The following SPPL3 variants were observed in gnomAD, a reference collection of about 807,000 sequenced individuals.
SPPL3 encodes signal peptide peptidase-like 3.
In SPPL3, 5 loss-of-function variants were observed where a neutral mutation model predicts 42.4. The ratio of observed to expected loss-of-function variants is 0.12; its 90% CI spans 0.06 to 0.25. The LOEUF (loss-of-function observed/expected upper bound fraction) is 0.25. SPPL3 is among the 10% of genes least tolerant of loss of function. The pLI is 1.00. For missense variants in SPPL3, 235 were observed against 489.0 expected, an observed-to-expected ratio of 0.48 and a Z score of 4.90; for synonymous variants, 195 against 181.8, an observed-to-expected ratio of 1.07 and a Z score of -0.58.
intron 1 of SPPL3, among the ~76,000 whole-genome samples, chr12:120,842,362 C>T (rs1303861461): frequency 6.6e-6 from 1 of 152,142 alleles, no homozygotes; most frequent in Non-Finnish European, 1.5e-5. Flanking sequence ...CAGAACATTA[C>T]ACTATACACT....
intron 1 of SPPL3, among the ~76,000 whole-genome samples, chr12:120,876,742 A>G (rs539792465): frequency 1.5e-4 from 23 of 152,012 alleles, no homozygotes; most frequent in Admixed American, 2.6e-4. Context: ...ATAATTTTCA[A>G]TACCTATACT....
At chr12:120,891,781 A>G (rs1161572290) in intron 1 of SPPL3, among the ~76,000 whole-genome samples, 3 of 151,148 alleles carry the variant, frequency 2.0e-5, no homozygotes, top group Non-Finnish European at 4.4e-5. Flanking sequence ...CCACTTTAGG[A>G]AACAAGTAAT....
chr12:120,833,345 C>A (rs1183193271), intron 1 of SPPL3, among the ~76,000 whole-genome samples: 1 of 152,114 alleles, frequency 6.6e-6, no homozygotes, highest in African/African-American at 2.4e-5. Context: ...GTGACTGTGG[C>A]AGGCCTTAAA....
intron 1 of SPPL3, among the ~76,000 whole-genome samples, chr12:120,838,362 C>T (rs1348208192): frequency 2.6e-5 from 4 of 151,896 alleles, no homozygotes; most frequent in Admixed American, 2.6e-4. Flanking sequence ...CTAGGAGAAC[C>T]CTGATTTGGA....
intron 1 of SPPL3, among the ~76,000 whole-genome samples, chr12:120,870,875 A>T (rs1159185599): frequency 6.6e-6 from 1 of 152,004 alleles, no homozygotes; most frequent in Non-Finnish European, 1.5e-5. Context: ...CAGTTTAAGA[A>T]GATGAACTTT....
intron 6 of SPPL3, among the ~76,000 whole-genome samples, chr12:120,780,255 T>C (rs113898588): frequency 0.036 from 5,409 of 149,160 alleles, 114 homozygotes; most frequent in South Asian, 0.068. Flanking sequence ...AGGCCAGGAG[T>C]TCAAGACCAG....
intron 1 of SPPL3, among the ~76,000 whole-genome samples, chr12:120,873,370 GA>G (rs1258953510): frequency 6.6e-6 from 1 of 151,308 alleles, no homozygotes; most frequent in Non-Finnish European, 1.5e-5. Flanking sequence ...AGGGAAAGCA[GA>G]AAAAAAATTT....
chr12:120,774,715 C>T (rs1239131751), intron 6 of SPPL3, among the ~76,000 whole-genome samples: 2 of 151,902 alleles, frequency 1.3e-5, no homozygotes, highest in Non-Finnish European at 2.9e-5. Context: ...ATCTAGTTTG[C>T]CTGCCTTTCA....
intron 1 of SPPL3, among the ~76,000 whole-genome samples, chr12:120,848,828 C>T (rs538019957): frequency 6.6e-6 from 1 of 152,130 alleles, no homozygotes; most frequent in South Asian, 2.1e-4. Context: ...ACAAAAATGC[C>T]TTAAAAATTT....
chr12:120,853,089 G>A (rs1027924295), intron 1 of SPPL3, among the ~76,000 whole-genome samples: 3 of 151,298 alleles, frequency 2.0e-5, no homozygotes, highest in Non-Finnish European at 4.4e-5. Context: ...TGGAGACAGG[G>A]TTTGACTGTG....
chr12:120,826,934 G>A (rs970236911), intron 1 of SPPL3, among the ~76,000 whole-genome samples: 1 of 152,020 alleles, frequency 6.6e-6, no homozygotes, highest in South Asian at 2.1e-4. Flanking sequence ...CATAAAATGA[G>A]TGTCAAAATT....
intron 2 of SPPL3, among the ~76,000 whole-genome samples, chr12:120,794,109 C>T (rs1244106793): frequency 6.6e-6 from 1 of 152,154 alleles, no homozygotes; most frequent in Non-Finnish European, 1.5e-5. Flanking sequence ...GATTGTTATG[C>T]TCTCTTGCTT....
intron 1 of SPPL3, among the ~76,000 whole-genome samples, chr12:120,821,834 G>C (rs1364989408): frequency 6.6e-6 from 1 of 152,124 alleles, no homozygotes; most frequent in Non-Finnish European, 1.5e-5. Context: ...TGGGTTGGGT[G>C]GAAGTAACCC....
chr12:120,888,304 A>C (rs1873527478), intron 1 of SPPL3, among the ~76,000 whole-genome samples: 2 of 152,166 alleles, frequency 1.3e-5, no homozygotes, highest in African/African-American at 2.4e-5. Flanking sequence ...TCGAACTCCT[A>C]ATCTCAGGTG....
At chr12:120,799,149 T>C (rs890791962) in intron 2 of SPPL3, among the ~76,000 whole-genome samples, 2 of 152,170 alleles carry the variant, frequency 1.3e-5, no homozygotes. Flanking sequence ...GCGTTTAATA[T>C]TCATACATCT....
intron 1 of SPPL3, among the ~76,000 whole-genome samples, chr12:120,841,437 T>A (rs540590354): frequency 6.6e-6 from 1 of 152,130 alleles, no homozygotes; most frequent in South Asian, 2.1e-4. Flanking sequence ...GTTATATATA[T>A]ATATATGCAC....
At chr12:120,787,038 A>AT (rs1330837665) in intron 3 of SPPL3, among the ~76,000 whole-genome samples, 6 of 152,230 alleles carry the variant, frequency 3.9e-5, no homozygotes, top group Admixed American at 3.9e-4. Context: ...GGCTAAATGT[A>AT]CGTCTGGTAT....
chr12:120,862,886 T>G (rs192821370), intron 1 of SPPL3, among the ~76,000 whole-genome samples: 66 of 152,244 alleles, frequency 4.3e-4, no homozygotes, highest in Non-Finnish European at 8.4e-4. Context: ...AGAAGCTATT[T>G]AGGAGCCCAC....
chr12:120,881,866 C>T (rs1873296871), intron 1 of SPPL3, among the ~76,000 whole-genome samples: 1 of 151,148 alleles, frequency 6.6e-6, no homozygotes, highest in South Asian at 2.1e-4. Context: ...TAGTCAAATT[C>T]ACAGAGACAG....
Sources: allele counts gnomAD v4.1 joint callset (sites outside exome capture counted in the v4.1 genomes callset), GRCh38; gene constraint gnomAD v4.1.1; transcripts MANE v1.5; gene names NCBI Gene and HGNC (gene_info 2026-07-23, HGNC 2026-07-21).